TARBP1: variants seen among roughly 807,000 people sequenced by gnomAD.
The protein encoded by TARBP1 is tRNA guanosine 2 -O-methyltransferase TARBP1.
TARBP1 carries 144 observed loss-of-function variants against 178.6 expected under a neutral mutation model. The observed-to-expected ratio is 0.81, with a 90% CI of 0.70 to 0.93. The LOEUF is 0.93. TARBP1 is among the 40% of genes least tolerant of loss of function. The pLI is 0.00. For missense variants in TARBP1, 2,067 were observed against 2,011.7 expected (o/e 1.03, Z -0.53); for synonymous variants, 787 against 781.0 (o/e 1.01, Z -0.13).
At chr1:234,467,744 T>C (rs1368190473) in intron 3 of TARBP1, 94 bp from the exon 4 acceptor site, 2 of 1,219,144 alleles carry the variant, frequency 1.6e-6, no homozygotes, top group Non-Finnish European at 1.1e-6. Flanking sequence ...ACACACACAA[T>C]AACTTCATTA....
Position 234,478,491 on chromosome 1 carries a change from C to A in TARBP1, c.613G>T (p.Ala205Ser). Residue 205 changes from alanine to serine, a missense_variant, in exon 1 of 30, where the codon GCG (alanine) becomes TCG (serine). Transcript: ENST00000040877. Reference sequence around the variant, plus strand: ...CCGCCCCACACGGCCCGCAGCGCCGCCCCGCCACATTGGACCAGCACTGGC... The same window carrying A: ...CCGCCCCACACGGCCCGCAGCGCCGACCCGCCACATTGGACCAGCACTGGC... ...LLPVLVQCGG[A>S]ALRAVWGGLA... is the part of the protein sequence containing the mutation. The A allele has an allele frequency of 7.2e-7, 1 of 1,390,910 alleles. No individual in the cohort carries two copies. The highest frequency in any genetic ancestry group is 9.3e-7 in the Non-Finnish European group (1 of 1,069,630). 86.2% of individuals were successfully genotyped at this position (1,390,910 alleles called of 1,614,324 possible).
intron 20 of TARBP1, among the ~76,000 whole-genome samples, chr1:234,424,751 C>A (rs926319023): frequency 1.3e-5 from 2 of 152,022 alleles, no homozygotes; most frequent in Admixed American, 1.3e-4. Flanking sequence ...CATGGTGAAA[C>A]CCTGTCTCTG....
intron 20 of TARBP1, among the ~76,000 whole-genome samples, chr1:234,421,257 T>G (rs1452360609): frequency 6.6e-6 from 1 of 152,134 alleles, no homozygotes; most frequent in African/African-American, 2.4e-5. Flanking sequence ...CCCAGCTAAC[T>G]TCTGTATTTT....
chr1:234,446,662 T>TATAATTTCTTAATATATAATTAC (rs1241465438), intron 12 of TARBP1, 141 bp downstream of exon 12: 4 of 321,030 alleles, frequency 1.2e-5, no homozygotes, highest in Non-Finnish European at 1.9e-5. Context: ...TATATAATTA[T>TATAATTTCTTAATATATAATTAC]ATAATTTCTT....
At chr1:234,418,035 CA>C in intron 22 of TARBP1, 48 bp downstream of exon 22, 3 of 1,115,316 alleles carry the variant, frequency 2.7e-6, no homozygotes, top group Non-Finnish European at 3.6e-6. Context: ...CCAGCATTGT[CA>C]AAATCATGTC....
rs6672935 is a variant in TARBP1, at chr1:234,451,785, T to A, written c.1723-1219A>T. On this transcript the variant is annotated intron_variant, in intron 9 of 29. Transcript: ENST00000040877. Reference sequence around the variant, plus strand: ...AAAAAAATGATGAATGACTGGATCATCGAAGTGGTCAGGACTAAAAGACAC... The same window carrying A: ...AAAAAAATGATGAATGACTGGATCAACGAAGTGGTCAGGACTAAAAGACAC... 4.9e-4 allele frequency among the ~76,000 whole-genome samples: 15 copies of A among 30,594 alleles called. 4 individuals carry two copies. The highest frequency in any genetic ancestry group is 3.2e-3 in the African/African-American group (9 of 2,822). 20.1% of individuals were successfully genotyped at this position (30,594 alleles called of 152,430 possible).
At chr1:234,438,929 T>A (rs1665307945) in intron 12 of TARBP1, among the ~76,000 whole-genome samples, 1 of 152,188 alleles carries the variant, frequency 6.6e-6, no homozygotes, top group Admixed American at 6.5e-5. Context: ...ACCTGACTAC[T>A]ATGGAGTTCT....
intron 23 of TARBP1, chr1:234,406,559 A>G (rs575346307): frequency 1.7e-4 from 28 of 166,226 alleles, no homozygotes; most frequent in Non-Finnish European, 1.6e-4. Context: ...CCTCCTCCTC[A>G]CTACTGATTT....
intron 3 of TARBP1, among the ~76,000 whole-genome samples, chr1:234,468,247 G>A (rs1668657555): frequency 6.6e-6 from 1 of 151,722 alleles, no homozygotes; most frequent in African/African-American, 2.4e-5. Context: ...GAGGCCAGGA[G>A]TTTGAGACCA....
At chr1:234,434,255 T>C (rs769189794) in intron 13 of TARBP1, among the ~76,000 whole-genome samples, 6 of 152,316 alleles carry the variant, frequency 3.9e-5, no homozygotes, top group Middle Eastern at 6.8e-3. Flanking sequence ...GTAATATTTA[T>C]CCATCACAGG....
intron 25 of TARBP1, among the ~76,000 whole-genome samples, chr1:234,398,955 C>T (rs554539402): frequency 6.6e-6 from 1 of 152,222 alleles, no homozygotes; most frequent in Non-Finnish European, 1.5e-5. Context: ...CTTTTACTCT[C>T]GTACCCATTA....
chr1:234,418,173 A>G lies in TARBP1; in HGVS notation c.3616T>C (p.Ser1206Pro), dbSNP rs1251607317. The G allele has an allele frequency of 6.4e-7, 1 of 1,552,746 alleles. No individual in the cohort carries two copies. Among genetic ancestry groups the G allele is most frequent in the East Asian group, 2.4e-5 (1 of 41,694 alleles). Reference sequence around the variant, plus strand: ...ATCCATTCTATAAAATATTTTATGGATGCTTGATTGTTGGTGAAACCAGCC... The same window carrying G: ...ATCCATTCTATAAAATATTTTATGGGTGCTTGATTGTTGGTGAAACCAGCC... ...FQAGFTNNQA[S>P]IKYFIEWIII... Residue 1206 changes from serine to proline, a missense_variant, in exon 22 of 30, where the codon TCC becomes CCC. Ser to Pro is a moderately conservative substitution (Grantham distance 74). Transcript: ENST00000040877.
intron 2 of TARBP1, among the ~76,000 whole-genome samples, chr1:234,472,468 C>A (rs942611978): frequency 6.7e-6 from 1 of 148,944 alleles, no homozygotes; most frequent in Admixed American, 6.7e-5. Flanking sequence ...TACTGATAAA[C>A]GTTAAAGTTT....
At chr1:234,469,078 A>T (rs1251617251) in intron 3 of TARBP1, among the ~76,000 whole-genome samples, 5 of 4,424 alleles carry the variant, frequency 1.1e-3, no homozygotes, top group Non-Finnish European at 3.5e-3. Context: ...TTTTTTTTTT[A>T]AAAAAAAAAA....
At chr1:234,444,706 A>G (rs1021656487) in intron 12 of TARBP1, among the ~76,000 whole-genome samples, 2 of 151,568 alleles carry the variant, frequency 1.3e-5, no homozygotes, top group Non-Finnish European at 1.5e-5. Flanking sequence ...AAAAAAAAAC[A>G]GAATAAATTA....
At chr1:234,455,843 A>G (rs2103244358) in intron 9 of TARBP1, among the ~76,000 whole-genome samples, 1 of 152,304 alleles carries the variant, frequency 6.6e-6, no homozygotes, top group African/African-American at 2.4e-5. Flanking sequence ...CAAATCAAGT[A>G]AAAAAGAAAA....
In TARBP1 at chr1:234,479,152, G is replaced by C. The variant is rs766258836; in HGVS notation, c.-49C>G. 7 of 1,460,844 alleles carry C rather than the reference G, an allele frequency of 4.8e-6. No homozygotes were observed. Among genetic ancestry groups the C allele is most frequent in the African/African-American group, 1.5e-5 (1 of 67,630 alleles). 90.5% of individuals were successfully genotyped at this position (1,460,844 alleles called of 1,614,324 possible). ...CCCGGGCTCCCAAAGGAAGGCGCCG[G>C]CGTGTGCGATGCGTGCGCACAGGAC... On this transcript the variant is annotated 5_prime_UTR_variant, in exon 1 of 30. Coordinates refer to ENST00000040877, the MANE Select transcript of TARBP1 (RefSeq NM_005646.4).
chr1:234,443,817 C>T (rs1237486176), intron 12 of TARBP1, among the ~76,000 whole-genome samples: 1 of 152,158 alleles, frequency 6.6e-6, no homozygotes, highest in Non-Finnish European at 1.5e-5. Flanking sequence ...TGGATGGACC[C>T]AGAAGACATG....
Position 234,429,304 on chromosome 1 carries a change from T to C in TARBP1, c.2892A>G (p.Ser964=). The C allele has an allele frequency of 6.3e-7, 1 of 1,580,240 alleles. No individual in the cohort carries two copies. The highest frequency in any genetic ancestry group is 8.5e-7 in the Non-Finnish European group (1 of 1,171,054). Residue 964 remains serine, a synonymous_variant, in exon 17 of 30, where the codon TCA becomes TCG. Transcript: ENST00000040877. Reference sequence around the variant, plus strand: ...CCATGTCAAAAGACTCTATGCAGAGTGATTCAGAGGAAGTCAGAAGCTGGT... The same window carrying C: ...CCATGTCAAAAGACTCTATGCAGAGCGATTCAGAGGAAGTCAGAAGCTGGT... ...LVPKLLTSSE[S]LCIESFDMAW...
Sources: allele counts gnomAD v4.1 joint callset (sites outside exome capture counted in the v4.1 genomes callset), GRCh38; gene constraint gnomAD v4.1.1; transcripts MANE v1.5; gene names NCBI Gene and HGNC (gene_info 2026-07-23, HGNC 2026-07-21).